PEX14: variants seen among roughly 807,000 people sequenced by gnomAD.
PEX14 encodes the protein peroxisomal membrane protein PEX14.
In PEX14, 15 loss-of-function variants were observed where a neutral mutation model predicts 49.5. The ratio of observed to expected loss-of-function variants is 0.30; its 90% confidence interval spans 0.20 to 0.47. PEX14 has a LOEUF of 0.47. Ranked by LOEUF, PEX14 falls within the 20% of genes least tolerant of loss-of-function variation. The pLI, the probability that PEX14 is intolerant of heterozygous loss-of-function variation, is 1.00. For missense variants in PEX14, 398 were observed against 494.8 expected (o/e 0.80, Z 1.86); for synonymous variants, 210 against 212.7 (o/e 0.99, Z 0.11).
intron 3 of PEX14, among the ~76,000 whole-genome samples, chr1:10,592,161 C>T (rs936232667): frequency 2.0e-5 from 3 of 152,138 alleles, no homozygotes; most frequent in South Asian, 2.1e-4. Context: ...CACAAACACA[C>T]GTTTGGCTTA....
chr1:10,616,164 A>G (rs1641409869), intron 4 of PEX14, among the ~76,000 whole-genome samples: 1 of 151,986 alleles, frequency 6.6e-6, no homozygotes, highest in Non-Finnish European at 1.5e-5. Context: ...GCCCCCTGAG[A>G]GTGCCATTCA....
chr1:10,546,079 G>A lies in PEX14; in HGVS notation c.169+9782G>A, dbSNP rs986294939. ...GATTGAGGAGGGGGTAGAATTAAAT[G>A]AAAATGATATGGAAAGTGCTTAGCA... On this transcript the variant is annotated intron_variant, in intron 3 of 8. Coordinates refer to ENST00000356607, the MANE Select transcript of PEX14 (RefSeq NM_004565.3). Among the ~76,000 whole-genome samples the A allele has an allele frequency of 3.3e-5, 5 of 152,104 alleles. No individual in the cohort carries two copies. In the East Asian group the frequency reaches 9.7e-4, roughly 29 times the overall value.
intron 1 of PEX14, 116 bp downstream of exon 1, chr1:10,475,118 CT>C (rs1385636653): frequency 1.1e-6 from 1 of 948,172 alleles, no homozygotes; most frequent in Admixed American, 2.0e-5. Context: ...GGACCCCGAC[CT>C]CTTGCCCCCT....
rs563527216 is a variant in PEX14, at chr1:10,564,864, T to A, written c.169+28567T>A. Among the ~76,000 whole-genome samples the A allele has an allele frequency of 5.3e-4, 81 of 151,826 alleles. No individual in the cohort carries two copies. The South Asian group carries it at 0.01, about 19-fold the overall frequency. ...GGGCTATCTATGAGTTTGGGTTTTT[T>A]AAATTCATTTTCCCCCACTTGGTCC... On this transcript the variant is annotated intron_variant, in intron 3 of 8. Coordinates refer to ENST00000356607, the MANE Select transcript of PEX14 (RefSeq NM_004565.3).
intron 3 of PEX14, among the ~76,000 whole-genome samples, chr1:10,580,539 G>T (rs896771900): frequency 6.6e-6 from 1 of 152,032 alleles, no homozygotes; most frequent in Admixed American, 6.6e-5. Flanking sequence ...GTGAGCCACT[G>T]CACCCGGCCA....
rs542758925 is a variant in PEX14 at position 10,596,705 on chromosome 1, G to T, written c.170-2533G>T. Among the ~76,000 whole-genome samples the T allele has an allele frequency of 9.9e-4, 150 of 152,208 alleles. 3 individuals are homozygous for T. The highest frequency in any genetic ancestry group is 1.2e-3 in the East Asian group (6 of 5,170). On this transcript the variant is annotated intron_variant, in intron 3 of 8. Coordinates refer to ENST00000356607, the MANE Select transcript of PEX14 (RefSeq NM_004565.3). ...CAGGTTTCTTATCTGTTAAATGAGG[G>T]CAGTGACTGGGATAATGGCCCGGCT...
At chr1:10,557,805 A>G (rs1444946746) in intron 3 of PEX14, among the ~76,000 whole-genome samples, 2 of 146,956 alleles carry the variant, frequency 1.4e-5, no homozygotes, top group African/African-American at 2.5e-5. Flanking sequence ...CCCTTCCCCC[A>G]CTGCAAGGGC....
chr1:10,546,241 C>G (rs2124501537), intron 3 of PEX14, among the ~76,000 whole-genome samples: 1 of 152,028 alleles, frequency 6.6e-6, no homozygotes, highest in East Asian at 1.9e-4. Flanking sequence ...CATCAGGAAC[C>G]TCTAGGAATT....
At chr1:10,600,311 C>T (rs571036107) in intron 4 of PEX14, among the ~76,000 whole-genome samples, 5 of 152,072 alleles carry the variant, frequency 3.3e-5, no homozygotes, top group Admixed American at 6.5e-5. Context: ...ATCCCTGCTA[C>T]TCAGGAGGCT....
At chr1:10,477,380 C>G (rs685746) in intron 1 of PEX14, among the ~76,000 whole-genome samples, 84,422 of 152,090 alleles carry the variant, frequency 0.56, 26,473 homozygotes, top group East Asian at 0.72. Context: ...AAAACTTGAA[C>G]TTTTCATAAC....
At chr1:10,584,035 C>T (rs1221418358) in intron 3 of PEX14, among the ~76,000 whole-genome samples, 1 of 152,144 alleles carries the variant, frequency 6.6e-6, no homozygotes, top group Non-Finnish European at 1.5e-5. Flanking sequence ...GTTATACCAT[C>T]TGATGTAAGG....
chr1:10,572,128 T>A (rs1003613272), intron 3 of PEX14, among the ~76,000 whole-genome samples: 10 of 152,158 alleles, frequency 6.6e-5, no homozygotes, highest in African/African-American at 2.4e-4. Context: ...CTTGTTAAAC[T>A]GCTTACTAGA....
chr1:10,534,154 C>T (rs1172612557), intron 2 of PEX14, among the ~76,000 whole-genome samples: 2 of 152,234 alleles, frequency 1.3e-5, no homozygotes, highest in Non-Finnish European at 2.9e-5. Context: ...ACCTGGTACA[C>T]GTGTCACACA....
intron 3 of PEX14, among the ~76,000 whole-genome samples, chr1:10,547,191 C>G (rs142552632): frequency 1.3e-4 from 20 of 152,200 alleles, no homozygotes; most frequent in African/African-American, 4.6e-4. Flanking sequence ...GGCTTGGCTT[C>G]TACTTCTGTG....
intron 1 of PEX14, among the ~76,000 whole-genome samples, chr1:10,488,522 C>T (rs373660444): frequency 3.6e-4 from 54 of 151,394 alleles, no homozygotes; most frequent in African/African-American, 1.1e-3. Flanking sequence ...TTTTTTGAGA[C>T]GGAATGTCAC....
In PEX14 at chr1:10,494,036, G is replaced by A. The variant is rs1641515427; in HGVS notation, c.37-1238G>A. Among the ~76,000 whole-genome samples, 1 of 152,180 alleles carries A rather than the reference G, an allele frequency of 6.6e-6. No individual in the cohort carries two copies. Among genetic ancestry groups the A allele is most frequent in the Non-Finnish European group, 1.5e-5 (1 of 68,030 alleles). On this transcript the variant is annotated intron_variant, in intron 1 of 8. Transcript: ENST00000356607. This position sits in a 1 kb window ranked among gnomAD's most constrained non-coding sequence, Gnocchi z 4.3. ...GGGAGGACAGGAGGCAGGGAGGCAG[G>A]GGAAGCTTGCTCACATTCCCTGAGA...
At chr1:10,590,571 C>T (rs563145286) in intron 3 of PEX14, among the ~76,000 whole-genome samples, 1 of 152,210 alleles carries the variant, frequency 6.6e-6, no homozygotes, top group South Asian at 2.1e-4. Context: ...TAGGGAGGCT[C>T]CCATTTAACA....
chr1:10,490,041 A>G (rs1260996632), intron 1 of PEX14, among the ~76,000 whole-genome samples: 2 of 152,204 alleles, frequency 1.3e-5, no homozygotes, highest in Non-Finnish European at 2.9e-5. Flanking sequence ...GAGGAGTGAC[A>G]TGAAATAACT....
chr1:10,555,774 T>C (rs1639470223), intron 3 of PEX14, among the ~76,000 whole-genome samples: 1 of 152,192 alleles, frequency 6.6e-6, no homozygotes. Flanking sequence ...CACAAGCTGC[T>C]GTTGCCCGTT....
Sources: allele counts gnomAD v4.1 joint callset (sites outside exome capture counted in the v4.1 genomes callset), GRCh38; gene constraint gnomAD v4.1.1; non-coding constraint Gnocchi (gnomAD v3.1); transcripts MANE v1.5; gene names NCBI Gene and HGNC (gene_info 2026-07-23, HGNC 2026-07-21).